Variants in SERINC5 observed in about 807,000 individuals in gnomAD.
SERINC5 encodes the protein chromosome 5 open reading frame 12.
A neutral mutation model predicts 63.1 loss-of-function variants in SERINC5; 41 were observed. The observed-to-expected ratio is 0.65, with a 90% confidence interval of 0.51 to 0.84. The LOEUF (loss-of-function observed/expected upper bound fraction) is 0.84, where lower values mean the gene tolerates loss of function less well. SERINC5 is among the 40% of genes least tolerant of loss of function. The pLI is 0.00. For missense variants in SERINC5, 523 were observed against 573.0 expected (o/e 0.91, Z 0.89); for synonymous variants, 222 against 215.2 (o/e 1.03, Z -0.28).
chr5:80,202,881 C>T lies in SERINC5; in HGVS notation c.195+5G>A. On this transcript the variant is annotated splice_donor_5th_base_variant and intron_variant, in intron 2 of 11. Coordinates refer to ENST00000507668, the MANE Select transcript of SERINC5 (RefSeq NM_001174072.3). ...ATAGGACGAGCTGAACACGGACAAA[C>T]TTACGTGCTCTTTCATCTTGTGAGC... 6.2e-7 allele frequency: 1 copy of T among 1,605,740 alleles called. No individual in the cohort carries two copies. Among genetic ancestry groups the T allele is most frequent in the Non-Finnish European group, 8.5e-7 (1 of 1,173,610 alleles).
chr5:80,191,061 A>G (rs1385111399), intron 2 of SERINC5, among the ~76,000 whole-genome samples: 1 of 152,098 alleles, frequency 6.6e-6, no homozygotes, highest in African/African-American at 2.4e-5. Context: ...AGCCACTTGT[A>G]CTAAGTGCCA....
At chr5:80,214,170 A>G (rs1171365594) in intron 1 of SERINC5, among the ~76,000 whole-genome samples, 1 of 152,224 alleles carries the variant, frequency 6.6e-6, no homozygotes, top group Non-Finnish European at 1.5e-5. Context: ...CACTGTATAA[A>G]CTGAAAATAG....
At chr5:80,192,145 C>A (rs1465358190) in intron 2 of SERINC5, among the ~76,000 whole-genome samples, 1 of 152,210 alleles carries the variant, frequency 6.6e-6, no homozygotes, top group Admixed American at 6.5e-5. Flanking sequence ...TACTAGCTGG[C>A]TCTTTGTAAG....
At chr5:80,124,421 GCTGA>G (rs1744662699) in intron 11 of SERINC5, among the ~76,000 whole-genome samples, 1 of 152,190 alleles carries the variant, frequency 6.6e-6, no homozygotes, top group Non-Finnish European at 1.5e-5. Flanking sequence ...AGTGATGGTG[GCTGA>G]CTACCTTGCA....
chr5:80,229,021 C>CT (rs1166636996), intron 1 of SERINC5, among the ~76,000 whole-genome samples: 1,032 of 86,040 alleles, frequency 0.012, 68 homozygotes, highest in East Asian at 0.039. Flanking sequence ...TTTTACATAC[C>CT]TTTTTTTTTT....
At chr5:80,137,838 G>A (rs1252775659), downstream of SERINC5, among the ~76,000 whole-genome samples, 1 of 152,076 alleles carries the variant, frequency 6.6e-6, no homozygotes, top group African/African-American at 2.4e-5. Context: ...CTGCTCGGGA[G>A]GCTGAGGCAG....
At chr5:80,219,172 G>A (rs1561434847) in intron 1 of SERINC5, among the ~76,000 whole-genome samples, 1 of 152,188 alleles carries the variant, frequency 6.6e-6, no homozygotes, top group Non-Finnish European at 1.5e-5. Flanking sequence ...GGGAAAGGGA[G>A]GCATGGGCCC....
At chr5:80,174,282 A>G (rs749235539) in intron 5 of SERINC5, among the ~76,000 whole-genome samples, 15 of 151,662 alleles carry the variant, frequency 9.9e-5, no homozygotes, top group African/African-American at 3.6e-4. Context: ...TGGGAGAATC[A>G]CTGAAGCCTG....
intron 8 of SERINC5, among the ~76,000 whole-genome samples, chr5:80,152,166 A>G (rs564579107): frequency 1.3e-5 from 2 of 152,288 alleles, no homozygotes; most frequent in East Asian, 1.9e-4. Flanking sequence ...ACATCTCCCA[A>G]TGACTGCGCA....
chr5:80,183,450 T>G (rs1419247646), intron 2 of SERINC5, among the ~76,000 whole-genome samples: 1 of 152,072 alleles, frequency 6.6e-6, no homozygotes, highest in African/African-American at 2.4e-5. Context: ...ACAGGAAGTG[T>G]CAGGCCTCTG....
intron 8 of SERINC5, 30 bp from the exon 9 acceptor site, chr5:80,150,978 C>T (rs1158499449): frequency 1.3e-6 from 2 of 1,523,940 alleles, no homozygotes; most frequent in African/African-American, 1.4e-5. Context: ...GTCAGCTGGG[C>T]ATATTAACAC....
chr5:80,117,948 A>T (rs1350483140), intron 11 of SERINC5, among the ~76,000 whole-genome samples: 2 of 151,932 alleles, frequency 1.3e-5, no homozygotes, highest in Non-Finnish European at 2.9e-5. Flanking sequence ...CATGCCTGTA[A>T]TCCCAGCATG....
intron 9 of SERINC5, among the ~76,000 whole-genome samples, chr5:80,147,698 CAT>C (rs1041066633): frequency 2.0e-5 from 3 of 152,076 alleles, no homozygotes; most frequent in African/African-American, 4.8e-5. Context: ...CTCCCTCCCA[CAT>C]GTGCTGACTT....
At position 80,234,799 on chromosome 5, in the gene SERINC5, T is replaced by C. The variant is rs554899480; in HGVS notation, c.27+21097A>G. Among the ~76,000 whole-genome samples the C allele has an allele frequency of 2.7e-3, 412 of 152,312 alleles. 2 individuals are homozygous for C. The highest frequency in any genetic ancestry group is 4.1e-3 in the Non-Finnish European group (282 of 68,018). Reference sequence around the variant, plus strand: ...ATGGATACATACATGCCTTTCAAATTGGAAACCATAATTGGGTTCATCATA... The same window carrying C: ...ATGGATACATACATGCCTTTCAAATCGGAAACCATAATTGGGTTCATCATA... On this transcript the variant is annotated intron_variant, in intron 1 of 11. Coordinates refer to ENST00000507668, the MANE Select transcript of SERINC5 (RefSeq NM_001174072.3).
chr5:80,238,158 C>G (rs1751789463), intron 1 of SERINC5, among the ~76,000 whole-genome samples: 1 of 149,960 alleles, frequency 6.7e-6, no homozygotes, highest in Admixed American at 6.6e-5. Context: ...CCCGTGGCAA[C>G]CCTCATTCCT....
intron 1 of SERINC5, among the ~76,000 whole-genome samples, chr5:80,245,313 A>G (rs1351176967): frequency 6.6e-6 from 1 of 152,152 alleles, no homozygotes; most frequent in African/African-American, 2.4e-5. Context: ...GGATCTCTAG[A>G]GCCCATTCAG....
At chr5:80,213,615 C>T (rs188759549) in intron 1 of SERINC5, among the ~76,000 whole-genome samples, 1 of 152,288 alleles carries the variant, frequency 6.6e-6, no homozygotes, top group East Asian at 1.9e-4. Context: ...TTCCCTGCCC[C>T]TGTGTGTACA....
intron 8 of SERINC5, among the ~76,000 whole-genome samples, chr5:80,154,470 C>T (rs112205723): frequency 0.013 from 1,910 of 152,064 alleles, 45 homozygotes; most frequent in African/African-American, 0.044. Flanking sequence ...TGAGCCATCA[C>T]GCCTGGCCAC....
chr5:80,241,363 G>A (rs1329289843), intron 1 of SERINC5, among the ~76,000 whole-genome samples: 2 of 152,084 alleles, frequency 1.3e-5, no homozygotes, highest in Admixed American at 6.6e-5. Flanking sequence ...CAGCTACTCG[G>A]GAGGCTGAGG....
Sources: gnomAD v4.1 joint callset for allele counts (sites outside exome capture counted in the v4.1 genomes callset) on GRCh38, gnomAD v4.1.1 for gene constraint, MANE v1.5 for transcripts, NCBI Gene and HGNC (gene_info 2026-07-23, HGNC 2026-07-21) for gene names.